Variants in KIAA1217 observed in about 807,000 individuals in gnomAD.
KIAA1217 encodes the protein KIAA1217, also known as sickle tail protein homolog.
Under a neutral mutation model 163.9 loss-of-function variants are expected in KIAA1217, and 88 were observed. The ratio of observed to expected loss-of-function variants is 0.54; its 90% CI spans 0.45 to 0.64. The LOEUF (loss-of-function observed/expected upper bound fraction) is 0.64. Among genes scored for constraint, KIAA1217 ranks in the 30% least tolerant of loss-of-function variants. The pLI is 0.00. For missense variants in KIAA1217, 2,372 were observed against 2,475.0 expected, an observed-to-expected ratio of 0.96 and a Z score of 0.88; for synonymous variants, 903 against 923.1, an observed-to-expected ratio of 0.98 and a Z score of 0.39.
At chr10:24,505,866 G>A (rs2068271764) in intron 9 of KIAA1217, among the ~76,000 whole-genome samples, 2 of 151,992 alleles carry the variant, frequency 1.3e-5, no homozygotes. Context: ...TCCTTAATGT[G>A]TCTTTTTATG....
In KIAA1217 at chr10:24,078,795, A is replaced by C. The variant is rs1430352516; in HGVS notation, c.-171+71421A>C. Among the ~76,000 whole-genome samples, 4 of 152,122 alleles carry C rather than the reference A, an allele frequency of 2.6e-5. No individual in the cohort carries two copies. The South Asian group carries it at 6.2e-4, about 24-fold the overall frequency. Reference sequence around the variant, plus strand: ...AGATGAGAGAGAGAGAGACAAATGAAAAGGCTGAATCCAGGCCTTCTGTGG... The same window carrying C: ...AGATGAGAGAGAGAGAGACAAATGACAAGGCTGAATCCAGGCCTTCTGTGG... On this transcript the variant is annotated intron_variant, in intron 2 of 18. Transcript: ENST00000376462.
At chr10:24,283,459 G>C (rs1203847707) in intron 2 of KIAA1217, among the ~76,000 whole-genome samples, 5 of 152,108 alleles carry the variant, frequency 3.3e-5, no homozygotes, top group Admixed American at 6.5e-5. Context: ...TTGAGGTCAG[G>C]AGTTCAGGAA....
intron 1 of KIAA1217, among the ~76,000 whole-genome samples, chr10:23,934,007 A>G (rs1180270911): frequency 1.3e-5 from 2 of 152,228 alleles, no homozygotes; most frequent in African/African-American, 4.8e-5. Context: ...AGAACCGGAA[A>G]TACCATTTGA....
intron 5 of KIAA1217, among the ~76,000 whole-genome samples, chr10:24,439,273 T>TAC (rs143903256): frequency 3.8e-4 from 57 of 151,166 alleles, no homozygotes; most frequent in Middle Eastern, 3.4e-3. Flanking sequence ...GTACACCCCC[T>TAC]ACACACACAC....
chr10:24,218,755 C>G (rs1480374455), intron 1 of KIAA1217, among the ~76,000 whole-genome samples: 1 of 152,278 alleles, frequency 6.6e-6, no homozygotes, highest in East Asian at 1.9e-4. Flanking sequence ...TCCCAAAGTG[C>G]TGGGATTACA....
At chr10:23,997,620 C>G (rs575888116) in intron 1 of KIAA1217, among the ~76,000 whole-genome samples, 1 of 152,274 alleles carries the variant, frequency 6.6e-6, no homozygotes, top group South Asian at 2.1e-4. Flanking sequence ...CATGAGAAGT[C>G]ATTTTATTCC....
At position 24,001,903 on chromosome 10, in the gene KIAA1217, A is replaced by AT. The variant is rs367587114; in HGVS notation, c.-320-5313dup. ...TGGTATCTTGCAGGCTGTGTAGGTG[A>AT]TTTTTTTTTCAGGCAGATACTGGAT... On this transcript the variant is annotated intron_variant, in intron 1 of 18. Coordinates refer to the KIAA1217 transcript ENST00000376462. Among the ~76,000 whole-genome samples, 816 of 151,546 alleles carry AT rather than the reference A, an allele frequency of 5.4e-3. 13 individuals are homozygous for AT. The highest frequency in any genetic ancestry group is 0.019 in the African/African-American group (777 of 41,306).
chr10:24,545,335 A>G, intron 20 of KIAA1217: 1 of 1,398,580 alleles, frequency 7.2e-7, no homozygotes, highest in Non-Finnish European at 9.3e-7. Context: ...TCCAAATTTT[A>G]ACTGTTAACA....
chr10:24,284,937 G>C (rs995855310), intron 2 of KIAA1217, among the ~76,000 whole-genome samples: 1 of 152,144 alleles, frequency 6.6e-6, no homozygotes, highest in Admixed American at 6.5e-5. Context: ...CATTCTGACT[G>C]GTGTGAGATG....
At chr10:24,520,685 C>CAAAA (rs1457773977) in intron 11 of KIAA1217, among the ~76,000 whole-genome samples, 13 of 97,908 alleles carry the variant, frequency 1.3e-4, no homozygotes, top group African/African-American at 5.3e-4. Context: ...TACACACACA[C>CAAAA]ACAAAAAAAA....
At position 24,531,872 on chromosome 10, in the gene KIAA1217, G is replaced by A. The variant is rs551634178; in HGVS notation, c.3125G>A (p.Gly1042Glu). The change falls in exon 15 of 21, where the codon GGA becomes GAA. Residue 1042 changes from glycine to glutamate, a missense_variant. Around this residue, in one of 3 missense-constraint regions of KIAA1217, gnomAD observed 1,431 missense variants for 1,470.3 expected, o/e 0.97. Coordinates refer to ENST00000376454, the MANE Select transcript of KIAA1217 (RefSeq NM_019590.5). ...GAACAGGACTTGGAAAAGCTGGGGG[G>A]AAAGTCGCCCCCTCCTCCTCCGCCA... is the stretch of plus-strand genomic sequence containing the variant. ...NSEQDLEKLGGKSPPPPPPPP... is the reference protein window; with the variant it reads ...NSEQDLEKLGEKSPPPPPPPP... The A allele has an allele frequency of 1.6e-5, 25 of 1,607,610 alleles. No homozygotes were observed. Among genetic ancestry groups the A allele is most frequent in the African/African-American group, 8.0e-5 (6 of 74,872 alleles).
intron 2 of KIAA1217, among the ~76,000 whole-genome samples, chr10:24,195,789 G>A (rs577447419): frequency 6.6e-6 from 1 of 152,306 alleles, no homozygotes; most frequent in African/African-American, 2.4e-5. Flanking sequence ...TTTGGTTTTT[G>A]TTAGTTTTTA....
chr10:23,699,171 C>T (rs187891920), intron 1 of KIAA1217, among the ~76,000 whole-genome samples: 8 of 152,354 alleles, frequency 5.3e-5, no homozygotes, highest in African/African-American at 1.9e-4. Context: ...GAGGACAGGG[C>T]AGCAAAGGAC....
At chr10:24,237,610 C>A (rs1254792543) in intron 2 of KIAA1217, among the ~76,000 whole-genome samples, 2 of 152,194 alleles carry the variant, frequency 1.3e-5, no homozygotes, top group Non-Finnish European at 2.9e-5. Flanking sequence ...TCTAATGGAA[C>A]TTTGAAGAAT....
intron 2 of KIAA1217, among the ~76,000 whole-genome samples, chr10:24,349,164 G>T (rs927652888): frequency 1.3e-5 from 2 of 148,644 alleles, no homozygotes; most frequent in African/African-American, 5.0e-5. Flanking sequence ...GAGAGATTGA[G>T]ATCTGAGATC....
At chr10:24,373,856 C>T (rs7080767) in intron 2 of KIAA1217, among the ~76,000 whole-genome samples, 24,614 of 152,170 alleles carry the variant, frequency 0.16, 2,292 homozygotes, top group South Asian at 0.31. Flanking sequence ...ATATGAGCTG[C>T]CCGTGGGCAG....
chr10:24,298,044 TC>T, intron 2 of KIAA1217, among the ~76,000 whole-genome samples: 1 of 152,260 alleles, frequency 6.6e-6, no homozygotes, highest in African/African-American at 2.4e-5. Context: ...ATTAATAGAC[TC>T]TAAAAATATT....
intron 2 of KIAA1217, among the ~76,000 whole-genome samples, chr10:24,174,213 G>C (rs894021352): frequency 6.6e-6 from 1 of 152,146 alleles, no homozygotes; most frequent in African/African-American, 2.4e-5. Flanking sequence ...TATTACCCCT[G>C]CCCAGTATGA....
intron 2 of KIAA1217, among the ~76,000 whole-genome samples, chr10:24,312,335 G>T (rs1435006223): frequency 1.3e-5 from 2 of 151,972 alleles, no homozygotes; most frequent in African/African-American, 4.8e-5. Flanking sequence ...AAAGGCTGGG[G>T]CCAGGCACAG....
Sources: allele counts gnomAD v4.1 joint callset (sites outside exome capture counted in the v4.1 genomes callset), GRCh38; gene constraint gnomAD v4.1.1; regional missense constraint gnomAD v4.1.1; transcripts MANE v1.5; gene names NCBI Gene and HGNC (gene_info 2026-07-23, HGNC 2026-07-21).